SLC60A1: variants seen among roughly 807,000 people sequenced by gnomAD.
SLC60A1 encodes the protein major facilitator superfamily domain containing 4.
the SLC60A1 span, among the ~76,000 whole-genome samples, chr1:205,575,457 G>C: frequency 1.9e-4 from 29 of 152,150 alleles, 1 homozygote; most frequent in African/African-American, 6.8e-4. Context: ...TGGCAGGCAG[G>C]AATGGGCTGC....
chr1:205,597,855 G>A, the SLC60A1 span: 1 of 1,613,870 alleles, frequency 6.2e-7, no homozygotes, highest in African/African-American at 1.3e-5. Context: ...GGTTCGGTAT[G>A]TGGGGACCTG....
chr1:205,577,921 C>A, the SLC60A1 span, among the ~76,000 whole-genome samples: 1 of 152,190 alleles, frequency 6.6e-6, no homozygotes, highest in Non-Finnish European at 1.5e-5. This position sits in a 1 kb window ranked among gnomAD's most constrained non-coding sequence, Gnocchi z 5.2. Flanking sequence ...GTCATATGAA[C>A]CAAGTGACAA....
chr1:205,600,346 C>A, the SLC60A1 span: 1 of 1,524,538 alleles, frequency 6.6e-7, no homozygotes, highest in South Asian at 1.1e-5. Flanking sequence ...CAGAATGAAT[C>A]ATCACTGCAA....
At chr1:205,578,946 G>C in the SLC60A1 span, among the ~76,000 whole-genome samples, 7 of 152,294 alleles carry the variant, frequency 4.6e-5, no homozygotes, top group East Asian at 1.4e-3. Context: ...TTATTGGGCA[G>C]AGTGTCCCAA....
the SLC60A1 span, among the ~76,000 whole-genome samples, chr1:205,578,471 T>C: frequency 6.6e-6 from 1 of 152,216 alleles, no homozygotes; most frequent in Non-Finnish European, 1.5e-5. Flanking sequence ...GCTGGGAACA[T>C]GCTGGGGTCA....
the SLC60A1 span, chr1:205,569,245 C>CA: frequency 6.4e-7 from 1 of 1,570,026 alleles, no homozygotes; most frequent in South Asian, 1.2e-5. Flanking sequence ...GTCTTCTTCT[C>CA]GCAGCAGCTC....
chr1:205,583,941 T>G, the SLC60A1 span: 1 of 1,610,778 alleles, frequency 6.2e-7, no homozygotes, highest in Non-Finnish European at 8.5e-7. Context: ...CCTGACCCTC[T>G]GCCTGCTCCC....
chr1:205,582,394 C>CA, the SLC60A1 span, among the ~76,000 whole-genome samples: 61 of 152,356 alleles, frequency 4.0e-4, no homozygotes, highest in African/African-American at 1.4e-3. Flanking sequence ...TGCATGTACT[C>CA]ATGTGGGTGC....
At chr1:205,580,740 T>C in the SLC60A1 span, 1 of 1,613,980 alleles carries the variant, frequency 6.2e-7, no homozygotes, top group Non-Finnish European at 8.5e-7. This position sits in a 1 kb window ranked among gnomAD's most constrained non-coding sequence, Gnocchi z 5.0. Flanking sequence ...GCCAACTGCT[T>C]GCCTGCCAAT....
chr1:205,592,005 C>A, the SLC60A1 span: 1 of 1,216,986 alleles, frequency 8.2e-7, no homozygotes, highest in Non-Finnish European at 1.1e-6. Context: ...CACGGGGTGG[C>A]GCGCGGGTCA....
At chr1:205,599,131 A>T in the SLC60A1 span, 1 of 1,613,980 alleles carries the variant, frequency 6.2e-7, no homozygotes, top group Non-Finnish European at 8.5e-7. Flanking sequence ...CCTTTGGCAG[A>T]TATTCCAGGC....
At chr1:205,577,278 C>T in the SLC60A1 span, among the ~76,000 whole-genome samples, 2 of 150,586 alleles carry the variant, frequency 1.3e-5, no homozygotes, top group Non-Finnish European at 3.0e-5. This position sits in a 1 kb window ranked among gnomAD's most constrained non-coding sequence, Gnocchi z 5.2. Flanking sequence ...ATCGGCCTCC[C>T]AGCAGTGCCC....
At chr1:205,584,134 T>C in the SLC60A1 span, 27 of 1,610,976 alleles carry the variant, frequency 1.7e-5, no homozygotes, top group Non-Finnish European at 2.3e-5. Flanking sequence ...GTAGGGGCTC[T>C]AATGAATCTG....
the SLC60A1 span, among the ~76,000 whole-genome samples, chr1:205,582,886 G>T: frequency 1.3e-5 from 2 of 152,332 alleles, no homozygotes; most frequent in Non-Finnish European, 2.9e-5. Context: ...GAGCCAGCCT[G>T]CCTCCAGGGG....
the SLC60A1 span, among the ~76,000 whole-genome samples, chr1:205,572,969 G>A: frequency 4.3e-3 from 662 of 152,272 alleles, 4 homozygotes; most frequent in Non-Finnish European, 7.1e-3. Flanking sequence ...AAACAAAAAC[G>A]TGGTTTATCC....
chr1:205,585,793 G>A, the SLC60A1 span, among the ~76,000 whole-genome samples: 1 of 152,068 alleles, frequency 6.6e-6, no homozygotes, highest in Non-Finnish European at 1.5e-5. The surrounding 1 kb of genome is among the most constrained non-coding windows in gnomAD (Gnocchi z 4.2). Context: ...CCACCTCTCT[G>A]GAACCCCTAG....
chr1:205,597,962 C>A, the SLC60A1 span: 2 of 1,113,848 alleles, frequency 1.8e-6, no homozygotes, highest in Non-Finnish European at 2.7e-6. Flanking sequence ...CCTGAGTCTC[C>A]AGCAAAGCCA....
At chr1:205,594,927 T>C in the SLC60A1 span, 1 of 152,362 alleles carries the variant, frequency 6.6e-6, no homozygotes, top group African/African-American at 2.4e-5. Flanking sequence ...ACCCAGTGAT[T>C]GGGCCTTACC....
the SLC60A1 span, among the ~76,000 whole-genome samples, chr1:205,573,257 A>T: frequency 7.0e-6 from 1 of 142,670 alleles, no homozygotes; most frequent in Non-Finnish European, 1.5e-5. Context: ...CTAAAAAAAA[A>T]ACAAAAACAA....
Sources: allele counts gnomAD v4.1 joint callset (sites outside exome capture counted in the v4.1 genomes callset), GRCh38; gene constraint gnomAD v4.1.1; non-coding constraint Gnocchi (gnomAD v3.1); transcripts MANE v1.5; gene names NCBI Gene and HGNC (gene_info 2026-07-23, HGNC 2026-07-21).